ERLIN1: variants seen among roughly 807,000 people sequenced by gnomAD.
ERLIN1 encodes the protein erlin-1.
In ERLIN1, 24 loss-of-function variants were observed where a neutral mutation model predicts 46.9. The observed-to-expected ratio is 0.51, with a 90% CI of 0.37 to 0.72. ERLIN1 has a LOEUF of 0.72. Ranked by LOEUF, ERLIN1 falls within the 30% of genes least tolerant of loss-of-function variation. The probability of loss-of-function intolerance (pLI) is 0.00; values close to 1 mark genes in which losing one functional copy is unlikely to be tolerated. For missense variants in ERLIN1, 293 were observed against 417.9 expected, an observed-to-expected ratio of 0.70 and a Z score of 2.61; for synonymous variants, 158 against 143.2, an observed-to-expected ratio of 1.10 and a Z score of -0.74.
intron 3 of ERLIN1, 74 bp downstream of exon 3, chr10:100,179,127 T>TA: frequency 8.7e-7 from 1 of 1,150,530 alleles, no homozygotes. Flanking sequence ...GAGATATGTC[T>TA]AAGTGATCAT....
At chr10:100,182,110 C>A (rs908607149) in intron 2 of ERLIN1, among the ~76,000 whole-genome samples, 5 of 151,676 alleles carry the variant, frequency 3.3e-5, no homozygotes. Flanking sequence ...ATTTTTGCAT[C>A]AGTATGACTT....
chr10:100,164,026 T>C lies in ERLIN1; in HGVS notation c.633A>G (p.Thr211=). Residue 211 remains threonine, a synonymous_variant, in exon 8 of 11, where the codon ACA becomes ACG. Coordinates refer to ENST00000421367, the MANE Select transcript of ERLIN1 (RefSeq NM_006459.4). ...TACCTATAACTGCCTTTTTCCTCTC[T>C]GTCTCAGCTTCTTTTTCCACAACCT... ...KQKVVEKEAE[T]ERKKAVIEAE... 3.7e-6 allele frequency: 6 copies of C among 1,612,638 alleles called. No individual in the cohort carries two copies. The highest frequency in any genetic ancestry group is 1.3e-5 in the African/African-American group (1 of 75,024).
intron 5 of ERLIN1, among the ~76,000 whole-genome samples, chr10:100,174,764 T>C (rs75733096): frequency 0.012 from 1,773 of 152,284 alleles, 44 homozygotes; most frequent in African/African-American, 0.04. Flanking sequence ...TCCATGGATC[T>C]CAGCCTCACT....
chr10:100,156,224 C>T lies in ERLIN1; in HGVS notation c.666G>A (p.Lys222=). Residue 222 remains lysine (K), a synonymous_variant, in exon 9 of 11, where the codon AAG becomes AAA. Coordinates refer to ENST00000421367, the MANE Select transcript of ERLIN1 (RefSeq NM_006459.4). ...ACCGAATTTTTGCCACTTGTGCAAT[C>T]TTCTCTGCTTCTATAATCATACAAC... ...ERKKAVIEAE[K]IAQVAKIRFQ... The T allele has an allele frequency of 1.2e-6, 2 of 1,608,556 alleles. No individual in the cohort carries two copies. The highest frequency in any genetic ancestry group is 1.7e-6 in the Non-Finnish European group (2 of 1,175,288).
chr10:100,179,322 T>C, intron 2 of ERLIN1, 75 bp from the exon 3 acceptor site: 1 of 1,014,556 alleles, frequency 9.9e-7, no homozygotes, highest in Non-Finnish European at 1.5e-6. Flanking sequence ...GAGGCAAATC[T>C]CTGGAAAGCT....
At position 100,185,964 on chromosome 10, in the gene ERLIN1, A is replaced by G; in HGVS notation, c.-338T>C. 1 of 459,644 alleles carries G rather than the reference A, an allele frequency of 2.2e-6. No homozygotes were observed. Among genetic ancestry groups the G allele is most frequent in the East Asian group, 3.4e-5 (1 of 29,048 alleles). 28.5% of individuals were successfully genotyped at this position (459,644 alleles called of 1,614,324 possible). A position where few individuals can be genotyped will look rare whatever the true frequency, so the allele number is the denominator to read the frequency against. Reference sequence around the variant, plus strand: ...CCGACCCCTCGGCCGCGCCTCACCGATCAGTGACGCATCGCCCCCGCCCGC... The same window carrying G: ...CCGACCCCTCGGCCGCGCCTCACCGGTCAGTGACGCATCGCCCCCGCCCGC... On this transcript the variant is annotated 5_prime_UTR_variant, in exon 1 of 11. Coordinates refer to ENST00000421367, the MANE Select transcript of ERLIN1 (RefSeq NM_006459.4).
chr10:100,155,723 C>A (rs188408782), intron 9 of ERLIN1, among the ~76,000 whole-genome samples: 10 of 152,184 alleles, frequency 6.6e-5, no homozygotes, highest in African/African-American at 2.4e-4. Flanking sequence ...ACCGTTTTAG[C>A]CGGGATGGTC....
At chr10:100,176,104 C>A (rs926839420) in intron 4 of ERLIN1, 34 bp from the exon 5 acceptor site, 2 of 1,585,728 alleles carry the variant, frequency 1.3e-6, no homozygotes, top group Non-Finnish European at 1.7e-6. Context: ...TTTGTTTTAC[C>A]CAACAATGAC....
At chr10:100,185,439 C>T in intron 1 of ERLIN1, 75 bp downstream of exon 1, 1 of 1,197,850 alleles carries the variant, frequency 8.3e-7, no homozygotes, top group African/African-American at 1.5e-5. Context: ...GCAGAGGGAA[C>T]AACTTCCCAG....
chr10:100,183,376 T>C (rs546544922), intron 2 of ERLIN1, among the ~76,000 whole-genome samples: 1 of 152,324 alleles, frequency 6.6e-6, no homozygotes, highest in South Asian at 2.1e-4. Flanking sequence ...ATGTTAACAG[T>C]AGCCCAGGAG....
At chr10:100,183,160 G>A (rs967859702) in intron 2 of ERLIN1, among the ~76,000 whole-genome samples, 1 of 152,104 alleles carries the variant, frequency 6.6e-6, no homozygotes, top group Non-Finnish European at 1.5e-5. Context: ...GCCTAATCCT[G>A]GTTTTGTCAT....
In ERLIN1 at chr10:100,152,029, GAAGTGT is replaced by G. The variant is rs1292164800; in HGVS notation, c.*96_*101del. 1 of 779,230 alleles carries G rather than the reference GAAGTGT, an allele frequency of 1.3e-6. No individual in the cohort carries two copies. The highest frequency in any genetic ancestry group is 2.3e-6 in the Non-Finnish European group (1 of 443,150). 48.3% of individuals were successfully genotyped at this position (779,230 alleles called of 1,614,324 possible). A position where few individuals can be genotyped will look rare whatever the true frequency, so the allele number is the denominator to read the frequency against. On this transcript the variant is annotated 3_prime_UTR_variant, in exon 11 of 11. Transcript: ENST00000421367. The stretch of plus-strand genomic sequence containing the variant: ...CTATCGCAGGAGAGGTGGAACAGAT[GAAGTGT>G]AAGTTCTCTGTAAATCTGAAGAGTC...
At chr10:100,173,939 C>T (rs1391073889) in intron 6 of ERLIN1, among the ~76,000 whole-genome samples, 5 of 152,122 alleles carry the variant, frequency 3.3e-5, no homozygotes, top group Non-Finnish European at 7.4e-5. Flanking sequence ...ATTACTGTAT[C>T]TTAATGCTTC....
chr10:100,151,109 A>T lies in ERLIN1; in HGVS notation c.*1022T>A, dbSNP rs1483413961. Reference sequence around the variant, plus strand: ...GTGTGCTTGTGACCATGGCAGCCCTAGGACTTGGGCCTTTAGACAGAGGTG... The same window carrying T: ...GTGTGCTTGTGACCATGGCAGCCCTTGGACTTGGGCCTTTAGACAGAGGTG... On this transcript the variant is annotated 3_prime_UTR_variant, in exon 11 of 11. Coordinates refer to ENST00000421367, the MANE Select transcript of ERLIN1 (RefSeq NM_006459.4). 6 of 152,638 alleles carry T rather than the reference A, an allele frequency of 3.9e-5. No homozygotes were observed. Among genetic ancestry groups the T allele is most frequent in the Admixed American group, 3.9e-4 (6 of 15,276 alleles). 9.5% of individuals were successfully genotyped at this position (152,638 alleles called of 1,614,324 possible). A position where few individuals can be genotyped will look rare whatever the true frequency, so the allele number is the denominator to read the frequency against.
chr10:100,181,243 ATTTCT>A (rs965116185), intron 2 of ERLIN1, among the ~76,000 whole-genome samples: 1 of 152,154 alleles, frequency 6.6e-6, no homozygotes, highest in East Asian at 1.9e-4. Flanking sequence ...GTACTTTTAT[ATTTCT>A]TTTATGTCCT....
At chr10:100,177,294 T>G (rs867544547) in intron 4 of ERLIN1, among the ~76,000 whole-genome samples, 9 of 152,100 alleles carry the variant, frequency 5.9e-5, no homozygotes, top group African/African-American at 2.2e-4. Flanking sequence ...TGATTTGTAA[T>G]CAAGGAAAGG....
intron 2 of ERLIN1, among the ~76,000 whole-genome samples, chr10:100,181,922 T>C (rs1373855034): frequency 6.6e-6 from 1 of 152,258 alleles, no homozygotes; most frequent in African/African-American, 2.4e-5. Flanking sequence ...CTCTAGCCCA[T>C]GTAAAACTTT....
chr10:100,182,032 ATT>A (rs1844681863), intron 2 of ERLIN1, among the ~76,000 whole-genome samples: 3 of 151,974 alleles, frequency 2.0e-5, no homozygotes, highest in African/African-American at 7.3e-5. Context: ...CACACACTAT[ATT>A]TGTTATATAT....
chr10:100,176,841 G>T (rs538039814), intron 4 of ERLIN1, among the ~76,000 whole-genome samples: 1 of 152,178 alleles, frequency 6.6e-6, no homozygotes, highest in Non-Finnish European at 1.5e-5. Flanking sequence ...TTTCAAATCC[G>T]ACTGGGCGCG....
Sources: gnomAD v4.1 joint callset for allele counts (sites outside exome capture counted in the v4.1 genomes callset) on GRCh38, gnomAD v4.1.1 for gene constraint, MANE v1.5 for transcripts, NCBI Gene and HGNC (gene_info 2026-07-23, HGNC 2026-07-21) for gene names.